TOM1L2: variants seen among roughly 807,000 people sequenced by gnomAD.
TOM1L2 encodes target of myb1 like 2 membrane trafficking protein.
In TOM1L2, 31 loss-of-function variants were observed where a neutral mutation model predicts 67.9. The observed-to-expected ratio is 0.46, with a 90% CI of 0.34 to 0.62. The LOEUF (loss-of-function observed/expected upper bound fraction) is 0.62. Ranked by LOEUF, TOM1L2 falls within the 20% of genes least tolerant of loss-of-function variation. The pLI, the probability that TOM1L2 is intolerant of heterozygous loss-of-function variation, is 0.01. For missense variants in TOM1L2, 606 were observed against 663.5 expected, an observed-to-expected ratio of 0.91 and a Z score of 0.95; for synonymous variants, 256 against 254.0, an observed-to-expected ratio of 1.01 and a Z score of -0.07.
Position 17,863,178 on chromosome 17 carries a change from C to G in TOM1L2, c.1085-330G>C, listed in dbSNP as rs1304266333. The G allele has an allele frequency of 1.5e-5, 4 of 267,086 alleles. No homozygotes were observed. In the East Asian group the frequency reaches 3.7e-4, roughly 25 times the overall value. 16.5% of individuals were successfully genotyped at this position (267,086 alleles called of 1,614,324 possible). ...CCTTCTCGCTTGGGCTCCTCATTAA[C>G]TCAATCACAATGTCCAAGGACCTGG... On this transcript the variant is annotated intron_variant, in intron 10 of 14. Transcript: ENST00000379504.
intron 2 of TOM1L2, among the ~76,000 whole-genome samples, chr17:17,902,821 G>A (rs202095814): frequency 3.3e-5 from 5 of 152,234 alleles, no homozygotes; most frequent in Non-Finnish European, 7.3e-5. Flanking sequence ...ATACAGTTAT[G>A]TAGCCAGATA....
At chr17:17,935,863 T>A (rs2040494709) in intron 1 of TOM1L2, among the ~76,000 whole-genome samples, 2 of 151,922 alleles carry the variant, frequency 1.3e-5, no homozygotes, top group Admixed American at 1.3e-4. Flanking sequence ...ACCTATCAAT[T>A]TAGCAAATTC....
chr17:17,952,580 C>T (rs1421525823), intron 1 of TOM1L2, among the ~76,000 whole-genome samples: 1 of 151,748 alleles, frequency 6.6e-6, no homozygotes, highest in Non-Finnish European at 1.5e-5. Context: ...TTCTTTGTAG[C>T]AACAAGGTCT....
chr17:17,912,506 C>T (rs1423921752), intron 1 of TOM1L2, among the ~76,000 whole-genome samples: 3 of 151,360 alleles, frequency 2.0e-5, no homozygotes, highest in Admixed American at 1.3e-4. Flanking sequence ...ACCTCCCAGA[C>T]GGGGTCACGG....
At chr17:17,948,665 G>A (rs768962757) in intron 1 of TOM1L2, among the ~76,000 whole-genome samples, 1 of 151,874 alleles carries the variant, frequency 6.6e-6, no homozygotes, top group Non-Finnish European at 1.5e-5. Context: ...AAAAAAAGGT[G>A]GCCCTTTCTT....
At chr17:17,935,084 T>TA (rs1458593764) in intron 1 of TOM1L2, among the ~76,000 whole-genome samples, 9 of 152,364 alleles carry the variant, frequency 5.9e-5, no homozygotes, top group African/African-American at 2.2e-4. Flanking sequence ...AGCAGCCAGC[T>TA]ATTAAGAAAA....
intron 12 of TOM1L2, among the ~76,000 whole-genome samples, chr17:17,854,202 T>C (rs2036143649): frequency 6.6e-6 from 1 of 152,196 alleles, no homozygotes; most frequent in Non-Finnish European, 1.5e-5. Context: ...CTTCTAATAA[T>C]GTAGGTGCTA....
At chr17:17,933,057 G>A (rs2040396945) in intron 1 of TOM1L2, among the ~76,000 whole-genome samples, 1 of 152,084 alleles carries the variant, frequency 6.6e-6, no homozygotes. Context: ...TTTTTCTCAG[G>A]GAACAAGAAG....
intron 1 of TOM1L2, among the ~76,000 whole-genome samples, chr17:17,926,918 C>A (rs1354736809): frequency 6.6e-6 from 1 of 152,000 alleles, no homozygotes. Context: ...TGAAGAAGAG[C>A]CCCAACACAA....
At chr17:17,908,988 TG>T (rs1162664057) in intron 1 of TOM1L2, among the ~76,000 whole-genome samples, 2 of 152,142 alleles carry the variant, frequency 1.3e-5, no homozygotes, top group Non-Finnish European at 2.9e-5. Flanking sequence ...CGAGACCATC[TG>T]GCTAACATGG....
rs1025461012 is a variant in TOM1L2 at position 17,845,984 on chromosome 17, C to T, written c.*1651G>A. 1.6e-4 allele frequency: 24 copies of T among 152,484 alleles called. No homozygotes were observed. The highest frequency in any genetic ancestry group is 4.1e-4 in the African/African-American group (17 of 41,584). 9.4% of individuals were successfully genotyped at this position (152,484 alleles called of 1,614,324 possible). On this transcript the variant is annotated 3_prime_UTR_variant, in exon 15 of 15. Transcript: ENST00000379504. ...ACCCTCAGCCAGACAGAGGTTTCCT[C>T]TCTGGAGGGAGCTGGAGGGCTGCTA...
At chr17:17,866,472 G>A in intron 9 of TOM1L2, 53 bp from the exon 10 acceptor site, 1 of 1,520,614 alleles carries the variant, frequency 6.6e-7, no homozygotes, top group Non-Finnish European at 8.8e-7. Flanking sequence ...GTCAGGCTCT[G>A]AGGTAGAAGC....
At chr17:17,912,977 A>T (rs575603617) in intron 1 of TOM1L2, among the ~76,000 whole-genome samples, 1,735 of 152,310 alleles carry the variant, frequency 0.011, 36 homozygotes, top group African/African-American at 0.04. Context: ...CGCGGTTAGG[A>T]GCTGGAGACC....
chr17:17,913,151 C>T (rs997489602), intron 1 of TOM1L2, among the ~76,000 whole-genome samples: 3 of 151,238 alleles, frequency 2.0e-5, no homozygotes, highest in Non-Finnish European at 3.0e-5. Context: ...AGTCCAGCTT[C>T]GGCTCGGCAT....
At chr17:17,888,911 G>A (rs1407078210) in intron 4 of TOM1L2, among the ~76,000 whole-genome samples, 1 of 152,232 alleles carries the variant, frequency 6.6e-6, no homozygotes, top group Non-Finnish European at 1.5e-5. Context: ...CAAGGCATGA[G>A]GTGAAAACAT....
chr17:17,940,064 G>C (rs11657845), intron 1 of TOM1L2, among the ~76,000 whole-genome samples: 73,464 of 151,220 alleles, frequency 0.49, 18,868 homozygotes, highest in East Asian at 0.86. Flanking sequence ...GTGGTGGCGG[G>C]TGCCTGTAAT....
chr17:17,932,179 T>G (rs1256964921), intron 1 of TOM1L2, among the ~76,000 whole-genome samples: 5 of 152,222 alleles, frequency 3.3e-5, no homozygotes, highest in African/African-American at 1.2e-4. Flanking sequence ...AATTCTTAAG[T>G]GACTTAACCC....
chr17:17,913,902 G>C (rs907041879), intron 1 of TOM1L2, among the ~76,000 whole-genome samples: 40 of 152,174 alleles, frequency 2.6e-4, no homozygotes, highest in Non-Finnish European at 2.9e-5. Flanking sequence ...CCCTACCAAA[G>C]TGCAATCTCT....
At chr17:17,940,303 T>C (rs568279536) in intron 1 of TOM1L2, among the ~76,000 whole-genome samples, 1 of 151,336 alleles carries the variant, frequency 6.6e-6, no homozygotes, top group Non-Finnish European at 1.5e-5. Context: ...GGCTGGCATA[T>C]AGCAAGAGTA....
Sources: allele counts gnomAD v4.1 joint callset (sites outside exome capture counted in the v4.1 genomes callset), GRCh38; gene constraint gnomAD v4.1.1; transcripts MANE v1.5; gene names NCBI Gene and HGNC (gene_info 2026-07-23, HGNC 2026-07-21).